Variants in DZIP1L observed in about 807,000 individuals in gnomAD.
The protein encoded by DZIP1L is cilium assembly protein DZIP1L.
DZIP1L carries 90 observed loss-of-function variants against 88.7 expected under a neutral mutation model. That is an observed-to-expected ratio of 1.02 (90% CI 0.86 to 1.21). DZIP1L has a LOEUF of 1.21. DZIP1L is among the 50% of genes most tolerant of loss of function. The pLI, the probability that DZIP1L is intolerant of heterozygous loss-of-function variation, is 0.00. For missense variants in DZIP1L, 932 were observed against 955.8 expected (o/e 0.98, Z 0.33); for synonymous variants, 363 against 372.1 (o/e 0.98, Z 0.28).
chr3:138,107,897 CT>C (rs1321871884), intron 1 of DZIP1L, among the ~76,000 whole-genome samples: 3 of 152,078 alleles, frequency 2.0e-5, no homozygotes, highest in African/African-American at 7.2e-5. Flanking sequence ...ACTGGCCCAC[CT>C]TTTCAGTTTC....
intron 5 of DZIP1L, among the ~76,000 whole-genome samples, chr3:138,089,664 G>T (rs1426553515): frequency 1.3e-5 from 2 of 152,008 alleles, no homozygotes; most frequent in African/African-American, 4.8e-5. Flanking sequence ...AATCTTGCTG[G>T]TTTTTACCCT....
intron 11 of DZIP1L, among the ~76,000 whole-genome samples, chr3:138,075,383 C>T (rs1365002915): frequency 6.6e-6 from 1 of 152,128 alleles, no homozygotes; most frequent in Non-Finnish European, 1.5e-5. Flanking sequence ...GAACATTCTC[C>T]AAGATAGACC....
intron 5 of DZIP1L, among the ~76,000 whole-genome samples, chr3:138,089,569 G>A (rs1944107004): frequency 6.6e-6 from 1 of 152,072 alleles, no homozygotes; most frequent in Non-Finnish European, 1.5e-5. Flanking sequence ...AGTTTTCATT[G>A]GCCTTCCTAA....
Position 138,062,893 on chromosome 3 carries a change from AG to A in DZIP1L, c.2226del (p.Leu743CysfsTer34), listed in dbSNP as rs1942754899. 1 of 1,614,090 alleles carries A rather than the reference AG, an allele frequency of 6.2e-7. No individual in the cohort carries two copies. The highest frequency in any genetic ancestry group is 1.3e-5 in the African/African-American group (1 of 74,950). ...LDLDQREKPK[P>X]LSRSKLPEKF... ...TTCTCTGGGAGCTTTGAGCGAGACA[AG>A]GGCTTGGGTTTCTCTCTCTGGTCCA... On this transcript the variant is annotated frameshift_variant, in exon 16 of 16. Transcript: ENST00000327532. LOFTEE classifies it low-confidence loss of function (END_TRUNC).
chr3:138,086,956 G>GAGGTAGATCAC lies in DZIP1L; in HGVS notation c.1062+4_1062+5insGTGATCTACCT. The stretch of plus-strand genomic sequence containing the variant: ...AGCTCCCCGAGATCACCCAACAAAA[G>GAGGTAGATCAC]CTACCTCTTTCTTCTCAGCCATGTG... On this transcript the variant is annotated splice_donor_region_variant and intron_variant, in intron 7 of 15. Transcript: ENST00000327532. 1 of 1,613,598 alleles carries GAGGTAGATCAC rather than the reference G, an allele frequency of 6.2e-7. No individual in the cohort carries two copies. The highest frequency in any genetic ancestry group is 8.5e-7 in the Non-Finnish European group (1 of 1,179,868).
At chr3:138,071,609 T>C in intron 12 of DZIP1L, 34 bp downstream of exon 12, 1 of 1,592,060 alleles carries the variant, frequency 6.3e-7, no homozygotes, top group Non-Finnish European at 8.6e-7. Context: ...CCCTTACAGG[T>C]CACAGCCCTG....
intron 4 of DZIP1L, among the ~76,000 whole-genome samples, chr3:138,093,197 C>G (rs1944314323): frequency 3.3e-5 from 5 of 152,228 alleles, no homozygotes; most frequent in Admixed American, 3.3e-4. Context: ...ATTGTGTTAA[C>G]AGGCTTGAAA....
At chr3:138,100,751 A>G (rs186620495) in intron 2 of DZIP1L, among the ~76,000 whole-genome samples, 1 of 152,216 alleles carries the variant, frequency 6.6e-6, no homozygotes, top group Admixed American at 6.5e-5. Flanking sequence ...GTAAACTATG[A>G]ATGTCTTAAA....
chr3:138,103,854 T>G lies in DZIP1L; in HGVS notation c.118A>C (p.Thr40Pro), dbSNP rs753650054. 1 of 1,614,056 alleles carries G rather than the reference T, an allele frequency of 6.2e-7. No homozygotes were observed. Among genetic ancestry groups the G allele is most frequent in the Admixed American group, 1.7e-5 (1 of 60,032 alleles). Reference protein sequence around the residue: ...HDSMDWRRISTLDVDRVAREL... With the variant: ...HDSMDWRRISPLDVDRVAREL... The stretch of plus-strand genomic sequence containing the variant: ...CGGGCCACGCGGTCTACATCCAGGG[T>G]GCTAATGCGTCTCCAGTCCATGCTA... The change falls in exon 2 of 16, where the codon ACC becomes CCC. Residue 40 changes from threonine to proline, a missense_variant. Coordinates refer to ENST00000327532, the MANE Select transcript of DZIP1L (RefSeq NM_173543.3).
rs1399393142 is a variant in DZIP1L at position 138,115,576 on chromosome 3, G to C, written c.-330C>G. ...GCCAACCTGCGGGACCGCGGACAGA[G>C]AGCTCCTCGGTGCGTCGGTCAGCTC... On this transcript the variant is annotated 5_prime_UTR_variant, in exon 1 of 16. Transcript: ENST00000327532. 6.6e-6 allele frequency: 1 copy of C among 152,220 alleles called. No homozygotes were observed. Among genetic ancestry groups the C allele is most frequent in the Non-Finnish European group, 1.5e-5 (1 of 68,080 alleles). 9.4% of individuals were successfully genotyped at this position (152,220 alleles called of 1,614,324 possible). A position where few individuals can be genotyped will look rare whatever the true frequency, so the allele number is the denominator to read the frequency against.
chr3:138,069,494 C>A (rs187008116), intron 12 of DZIP1L, among the ~76,000 whole-genome samples: 1 of 152,248 alleles, frequency 6.6e-6, no homozygotes, highest in African/African-American at 2.4e-5. Context: ...GCACTGCTCT[C>A]AGTGAATGTG....
chr3:138,101,710 TTCTGCATC>T lies in DZIP1L; in HGVS notation c.501+1753_501+1760del, dbSNP rs767333013. On this transcript the variant is annotated intron_variant, in intron 2 of 15. Transcript: ENST00000327532. The stretch of plus-strand genomic sequence containing the variant: ...GGTGGTCTTTGTATGGATACTTGTG[TTCTGCATC>T]TCAGACTCCAGCCGGCTTTCCTTGC... 607 of 829,666 alleles carry T rather than the reference TTCTGCATC, an allele frequency of 7.3e-4. 1 individual carries two copies. Among genetic ancestry groups the T allele is most frequent in the South Asian group, 1.3e-3 (98 of 75,664 alleles). 51.4% of individuals were successfully genotyped at this position (829,666 alleles called of 1,614,324 possible).
At chr3:138,077,101 G>C (rs902965890) in intron 11 of DZIP1L, among the ~76,000 whole-genome samples, 1 of 152,014 alleles carries the variant, frequency 6.6e-6, no homozygotes, top group Admixed American at 6.6e-5. Flanking sequence ...AGTGGACACA[G>C]CCACATGTAC....
chr3:138,094,120 T>C (rs1364238853), intron 4 of DZIP1L, among the ~76,000 whole-genome samples: 3 of 152,228 alleles, frequency 2.0e-5, no homozygotes, highest in Non-Finnish European at 4.4e-5. Context: ...GAATAGTTTG[T>C]GGCACCCCAA....
At chr3:138,096,210 A>G (rs1944459625) in intron 3 of DZIP1L, among the ~76,000 whole-genome samples, 1 of 152,228 alleles carries the variant, frequency 6.6e-6, no homozygotes, top group Non-Finnish European at 1.5e-5. Flanking sequence ...GTGAATAAAG[A>G]GGCCATGACC....
chr3:138,068,722 C>T (rs1943031854), intron 12 of DZIP1L, among the ~76,000 whole-genome samples: 1 of 152,196 alleles, frequency 6.6e-6, no homozygotes, highest in African/African-American at 2.4e-5. Flanking sequence ...GCTACAGCCG[C>T]TGCACTGCAG....
At position 138,115,332 on chromosome 3, in the gene DZIP1L, G is replaced by A. The variant is rs1036510526; in HGVS notation, c.-86C>T. ...TTTCCCGCGCGGCCCGCTCACCGTGGGGTCTCCTGGAGCCGGGGACGGCGG... is the reference window on the plus strand; with the variant it reads ...TTTCCCGCGCGGCCCGCTCACCGTGAGGTCTCCTGGAGCCGGGGACGGCGG... On this transcript the variant is annotated 5_prime_UTR_variant, in exon 1 of 16. Coordinates refer to ENST00000327532, the MANE Select transcript of DZIP1L (RefSeq NM_173543.3). 1 of 152,184 alleles carries A rather than the reference G, an allele frequency of 6.6e-6. No individual in the cohort carries two copies. The highest frequency in any genetic ancestry group is 1.5e-5 in the Non-Finnish European group (1 of 68,046). 9.4% of individuals were successfully genotyped at this position (152,184 alleles called of 1,614,324 possible).
chr3:138,071,821 G>T lies in DZIP1L; in HGVS notation c.1437C>A (p.Ile479=). Residue 479 remains isoleucine (I), a synonymous_variant, in exon 12 of 16, where the codon ATC becomes ATA. Transcript: ENST00000327532. ...CCAGGTGTCTGAGAGTCTGAATCGAGATTCCCTTTGCATCCTAGAGGAGAC... is the reference window on the plus strand; with the variant it reads ...CCAGGTGTCTGAGAGTCTGAATCGATATTCCCTTTGCATCCTAGAGGAGAC... ...SMGIRKDAKG[I]SIQTLRHLES... is the part of the protein sequence containing the mutation. The T allele has an allele frequency of 6.2e-7, 1 of 1,613,446 alleles. No homozygotes were observed.
In DZIP1L at chr3:138,104,006, G is replaced by C. The variant is rs200840719; in HGVS notation, c.-35C>G. The stretch of plus-strand genomic sequence containing the variant: ...AAGCCCTGAGCTGACCACCAGAGGA[G>C]GGGGGCACCAAGGCCACGGCAGTAG... On this transcript the variant is annotated 5_prime_UTR_variant, in exon 2 of 16. Transcript: ENST00000327532. 3.0e-4 allele frequency: 470 copies of C among 1,579,246 alleles called. 2 individuals carry two copies. The highest frequency in any genetic ancestry group is 1.4e-3 in the Middle Eastern group (8 of 5,868).
Sources: allele counts gnomAD v4.1 joint callset (sites outside exome capture counted in the v4.1 genomes callset), GRCh38; gene constraint gnomAD v4.1.1; transcripts MANE v1.5; gene names NCBI Gene and HGNC (gene_info 2026-07-23, HGNC 2026-07-21).